Variants in RAB38 observed in about 807,000 individuals in gnomAD.
RAB38 encodes the protein ras-related protein Rab-38.
A neutral mutation model predicts 18.4 loss-of-function variants in RAB38; 15 were observed. The observed-to-expected ratio is 0.82, with a 90% CI of 0.55 to 1.26. RAB38 has a LOEUF of 1.26. Ranked by LOEUF, RAB38 falls within the 50% of genes most tolerant of loss-of-function variation. RAB38 has a pLI of 0.00. For synonymous variants in RAB38, 101 were observed against 104.4 expected (o/e 0.97, Z 0.20); for missense variants, 294 against 267.4 (o/e 1.10, Z -0.69).
chr11:88,065,455 AG>A, the RAB38 span, among the ~76,000 whole-genome samples: 3 of 152,190 alleles, frequency 2.0e-5, no homozygotes, highest in Non-Finnish European at 4.4e-5. Flanking sequence ...GAAAATGTCT[AG>A]CTGTAATTCC....
At chr11:87,969,327 A>C in the RAB38 span, among the ~76,000 whole-genome samples, 3 of 152,116 alleles carry the variant, frequency 2.0e-5, no homozygotes, top group Non-Finnish European at 4.4e-5. Flanking sequence ...ATGTGAATGA[A>C]AACTTCCATA....
At chr11:87,864,433 G>A in the RAB38 span, among the ~76,000 whole-genome samples, 2 of 151,380 alleles carry the variant, frequency 1.3e-5, no homozygotes, top group Non-Finnish European at 3.0e-5. Flanking sequence ...AGTAGTAGCA[G>A]TATTTTACCT....
At chr11:88,158,615 A>G (rs1336022119) in intron 1 of RAB38, among the ~76,000 whole-genome samples, 1 of 152,198 alleles carries the variant, frequency 6.6e-6, no homozygotes, top group African/African-American at 2.4e-5. Flanking sequence ...GCTTCAACAT[A>G]TATAAATCAA....
the RAB38 span, among the ~76,000 whole-genome samples, chr11:87,843,725 T>G: frequency 1.3e-5 from 2 of 152,192 alleles, no homozygotes; most frequent in Non-Finnish European, 2.9e-5. Flanking sequence ...GTTGTGAGGA[T>G]TAAATGAGAA....
chr11:88,043,443 C>G, the RAB38 span, among the ~76,000 whole-genome samples: 2 of 152,132 alleles, frequency 1.3e-5, no homozygotes, highest in Admixed American at 6.5e-5. Flanking sequence ...AAGCCATCCC[C>G]TGTGACCTGC....
the RAB38 span, among the ~76,000 whole-genome samples, chr11:87,934,499 C>T: frequency 2.9e-4 from 44 of 151,966 alleles, no homozygotes; most frequent in Non-Finnish European, 5.7e-4. Context: ...AAAAGTTGAC[C>T]CAGTTGAATT....
At chr11:88,064,708 C>T in the RAB38 span, among the ~76,000 whole-genome samples, 1 of 152,308 alleles carries the variant, frequency 6.6e-6, no homozygotes, top group African/African-American at 2.4e-5. Context: ...ACAACAATGT[C>T]ATATAATATG....
chr11:88,126,754 C>T (rs916527053), intron 2 of RAB38, among the ~76,000 whole-genome samples: 8 of 152,024 alleles, frequency 5.3e-5, no homozygotes, highest in African/African-American at 1.9e-4. Context: ...TATTGCCACT[C>T]GTGTAACCTC....
the RAB38 span, among the ~76,000 whole-genome samples, chr11:87,872,197 T>G: frequency 6.6e-6 from 1 of 151,710 alleles, no homozygotes; most frequent in South Asian, 2.1e-4. Flanking sequence ...GAATACATTA[T>G]CATATGCATA....
chr11:88,143,225 A>C (rs992988325), intron 2 of RAB38, among the ~76,000 whole-genome samples: 1 of 152,230 alleles, frequency 6.6e-6, no homozygotes, highest in Non-Finnish European at 1.5e-5. Context: ...AACAGTACTT[A>C]CTGTATAAGA....
At chr11:87,804,699 C>A in the RAB38 span, among the ~76,000 whole-genome samples, 40 of 152,202 alleles carry the variant, frequency 2.6e-4, no homozygotes, top group African/African-American at 9.4e-4. Context: ...TCTGGGAATT[C>A]CATCATCTCC....
At chr11:88,094,762 T>C in the RAB38 span, among the ~76,000 whole-genome samples, 1 of 152,096 alleles carries the variant, frequency 6.6e-6, no homozygotes, top group South Asian at 2.1e-4. Context: ...GATCTCACTT[T>C]AAATTTGTAA....
chr11:88,146,568 TCA>T (rs1425064941), intron 2 of RAB38, among the ~76,000 whole-genome samples: 2 of 152,210 alleles, frequency 1.3e-5, no homozygotes, highest in African/African-American at 4.8e-5. Flanking sequence ...AATCTAGGCC[TCA>T]GTTTTGTAAA....
chr11:88,145,118 C>G (rs1175762365), intron 2 of RAB38, among the ~76,000 whole-genome samples: 1 of 151,878 alleles, frequency 6.6e-6, no homozygotes, highest in African/African-American at 2.4e-5. Context: ...AGATATTATG[C>G]ATCTGGCCCC....
chr11:87,947,254 ATTTG>A, the RAB38 span, among the ~76,000 whole-genome samples: 5 of 150,504 alleles, frequency 3.3e-5, no homozygotes, highest in East Asian at 5.8e-4. Context: ...TTTCTTGTAA[ATTTG>A]TTTGAGTTCA....
At position 88,155,525 on chromosome 11, in the gene RAB38, G is replaced by C. The variant is rs144795947; in HGVS notation, c.203-5570C>G. ...AGCAATAGTATGATAGAGAAATAAA[G>C]AAAAAGAAAAAAGTCCTACAAACAT... On this transcript the variant is annotated intron_variant, in intron 1 of 2. Transcript: ENST00000243662. Among the ~76,000 whole-genome samples, 930 of 152,038 alleles carry C rather than the reference G, an allele frequency of 6.1e-3. 10 individuals are homozygous for C. The highest frequency in any genetic ancestry group is 0.021 in the African/African-American group (885 of 41,514).
intron 1 of RAB38, among the ~76,000 whole-genome samples, chr11:88,170,536 C>T (rs1361379370): frequency 6.6e-6 from 1 of 152,190 alleles, no homozygotes; most frequent in African/African-American, 2.4e-5. Context: ...AACAATGTGA[C>T]CCAAATAAGT....
chr11:88,092,495 T>C, the RAB38 span, among the ~76,000 whole-genome samples: 4 of 150,136 alleles, frequency 2.7e-5, no homozygotes, highest in African/African-American at 4.9e-5. Flanking sequence ...TATGAATTCA[T>C]AGAGTGAGAA....
chr11:88,005,100 A>G, the RAB38 span, among the ~76,000 whole-genome samples: 7 of 151,602 alleles, frequency 4.6e-5, no homozygotes, highest in Non-Finnish European at 7.4e-5. Context: ...AGATCCAATA[A>G]GCTTCTTTTT....
Sources: gnomAD v4.1 joint callset for allele counts (sites outside exome capture counted in the v4.1 genomes callset) on GRCh38, gnomAD v4.1.1 for gene constraint, MANE v1.5 for transcripts, NCBI Gene and HGNC (gene_info 2026-07-23, HGNC 2026-07-21) for gene names.